The following SPIDR variants were observed in gnomAD, a reference collection of about 807,000 sequenced individuals.
The protein encoded by SPIDR is scaffold protein involved in DNA repair, also known as DNA repair-scaffolding protein.
Under a neutral mutation model 104.6 loss-of-function variants are expected in SPIDR, and 93 were observed. The ratio of observed to expected loss-of-function variants is 0.89; its 90% CI spans 0.75 to 1.06. The LOEUF (loss-of-function observed/expected upper bound fraction) is 1.06. Among genes scored for constraint, SPIDR ranks in the 50% least tolerant of loss-of-function variants. The probability of loss-of-function intolerance (pLI) is 0.00; values close to 1 mark genes in which losing one functional copy is unlikely to be tolerated. For missense variants in SPIDR, 1,154 were observed against 1,111.2 expected (o/e 1.04, Z -0.55); for synonymous variants, 431 against 416.9 (o/e 1.03, Z -0.41).
At chr8:47,309,956 G>A (rs1341998678) in intron 5 of SPIDR, among the ~76,000 whole-genome samples, 7 of 151,764 alleles carry the variant, frequency 4.6e-5, no homozygotes, top group Non-Finnish European at 7.4e-5. Flanking sequence ...GGAGAATGGC[G>A]TGAACCCGGG....
At chr8:47,705,596 G>C (rs1305722003) in intron 14 of SPIDR, among the ~76,000 whole-genome samples, 1 of 152,164 alleles carries the variant, frequency 6.6e-6, no homozygotes, top group Non-Finnish European at 1.5e-5. Context: ...GTCATTGCTG[G>C]AACTCCAGTC....
intron 1 of SPIDR, among the ~76,000 whole-genome samples, chr8:47,273,385 A>T (rs1377241024): frequency 2.6e-5 from 4 of 152,200 alleles, no homozygotes; most frequent in Non-Finnish European, 5.9e-5. Flanking sequence ...TGGATAGAGC[A>T]AGACATGGAC....
At chr8:47,560,627 C>G (rs2056946344) in intron 8 of SPIDR, among the ~76,000 whole-genome samples, 1 of 152,212 alleles carries the variant, frequency 6.6e-6, no homozygotes, top group Admixed American at 6.5e-5. Flanking sequence ...TTGTGCCTGT[C>G]TGGCTGATGA....
rs77967551 is a variant in SPIDR at position 47,435,940 on chromosome 8, G to C, written c.878-4383G>C. On this transcript the variant is annotated intron_variant, in intron 7 of 19. Transcript: ENST00000297423. ...TGCCAGTCATCCTCTCTGTTCTTGA[G>C]AAAGTCACATGAGCAGCTAGCTTTA... 4.7e-3 allele frequency among the ~76,000 whole-genome samples: 715 copies of C among 152,336 alleles called. 5 individuals carry two copies. The highest frequency in any genetic ancestry group is 0.016 in the African/African-American group (679 of 41,574).
At chr8:47,545,111 CTTTCTTTCTTTT>C (rs1265444196) in intron 8 of SPIDR, among the ~76,000 whole-genome samples, 29 of 45,352 alleles carry the variant, frequency 6.4e-4, no homozygotes, top group Middle Eastern at 9.1e-3. Flanking sequence ...TTCTTTCTTT[CTTTCTTTCTTTT>C]TTTTTTTTTT....
chr8:47,265,228 C>CTTACCCCA, intron 1 of SPIDR, among the ~76,000 whole-genome samples: 1 of 133,374 alleles, frequency 7.5e-6, no homozygotes, highest in South Asian at 2.4e-4. Context: ...CTTACTCTGT[C>CTTACCCCA]GCCCAGGCTG....
intron 8 of SPIDR, among the ~76,000 whole-genome samples, chr8:47,498,946 G>T (rs1316561595): frequency 6.6e-6 from 1 of 152,026 alleles, no homozygotes; most frequent in East Asian, 1.9e-4. Flanking sequence ...TACCTATTTT[G>T]CTCATTTAAG....
intron 19 of SPIDR, among the ~76,000 whole-genome samples, chr8:47,734,830 A>G (rs1012137778): frequency 2.0e-5 from 3 of 152,232 alleles, no homozygotes; most frequent in Admixed American, 6.5e-5. Flanking sequence ...TTACAAAAAC[A>G]CAGAGGATTT....
chr8:47,479,653 G>T (rs1171405587), intron 8 of SPIDR, among the ~76,000 whole-genome samples: 4 of 152,214 alleles, frequency 2.6e-5, no homozygotes, highest in Non-Finnish European at 5.9e-5. Flanking sequence ...ATGAGCAGGG[G>T]CTGGGGAGTG....
chr8:47,433,848 G>C (rs537484609), intron 7 of SPIDR, among the ~76,000 whole-genome samples: 1 of 152,330 alleles, frequency 6.6e-6, no homozygotes, highest in Admixed American at 6.5e-5. Context: ...GACAATGAAA[G>C]TGGAATTATG....
rs1554658655 is a variant in SPIDR, at chr8:47,396,533, C to A, written c.683C>A (p.Thr228Lys). 6.2e-7 allele frequency: 1 copy of A among 1,614,102 alleles called. No homozygotes were observed. The highest frequency in any genetic ancestry group is 1.7e-5 in the Admixed American group (1 of 60,020). Reference protein sequence around the residue: ...QIMERLIDPRTKSTETILHTP... With the variant: ...QIMERLIDPRKKSTETILHTP... ...ATGGAGAGACTGATAGATCCAAGGACAAAATCAACAGAGACCATTTTGCAT... is the reference window on the plus strand; with the variant it reads ...ATGGAGAGACTGATAGATCCAAGGAAAAAATCAACAGAGACCATTTTGCAT... Residue 228 changes from threonine (T) to lysine (K), a missense_variant, in exon 6 of 20, where the codon ACA (threonine) becomes AAA (lysine). Thr to Lys is a moderately conservative substitution (Grantham distance 78, BLOSUM62 -1). Transcript: ENST00000297423.
chr8:47,363,299 G>A (rs1299707018), intron 5 of SPIDR, among the ~76,000 whole-genome samples: 5 of 133,528 alleles, frequency 3.7e-5, no homozygotes, highest in East Asian at 4.5e-4. Context: ...TGTGCCTCCC[G>A]GGTTCACACC....
intron 5 of SPIDR, among the ~76,000 whole-genome samples, chr8:47,335,357 T>A (rs1448308139): frequency 1.3e-5 from 2 of 152,198 alleles, no homozygotes; most frequent in Non-Finnish European, 2.9e-5. Flanking sequence ...TTCCTTCAGT[T>A]TTGAAGTATG....
At chr8:47,294,885 T>C (rs2040561534) in intron 5 of SPIDR, among the ~76,000 whole-genome samples, 1 of 152,160 alleles carries the variant, frequency 6.6e-6, no homozygotes, top group African/African-American at 2.4e-5. Flanking sequence ...GGCTTTTACT[T>C]CTTAATTTTT....
intron 8 of SPIDR, among the ~76,000 whole-genome samples, chr8:47,555,764 G>A (rs984797843): frequency 6.6e-6 from 1 of 152,128 alleles, no homozygotes; most frequent in African/African-American, 2.4e-5. Context: ...CGAGGGGATG[G>A]GTATCAAGCC....
intron 5 of SPIDR, among the ~76,000 whole-genome samples, chr8:47,329,652 C>G (rs1554603247): frequency 6.6e-6 from 1 of 152,146 alleles, no homozygotes; most frequent in African/African-American, 2.4e-5. Flanking sequence ...TTCTCTTCCT[C>G]CTTTTTATGC....
chr8:47,336,267 G>A (rs1379824479), intron 5 of SPIDR, among the ~76,000 whole-genome samples: 1 of 152,118 alleles, frequency 6.6e-6, no homozygotes, highest in Admixed American at 6.5e-5. Flanking sequence ...TATGAATACT[G>A]TTGCTCTGAA....
chr8:47,396,769 G>C (rs1266585964), intron 6 of SPIDR, 143 bp downstream of exon 6: 2 of 883,510 alleles, frequency 2.3e-6, no homozygotes, highest in South Asian at 1.8e-5. Flanking sequence ...TCGAAGTTGA[G>C]GGTCATGGCT....
At chr8:47,263,286 G>A (rs2032996167) in intron 1 of SPIDR, among the ~76,000 whole-genome samples, 2 of 152,302 alleles carry the variant, frequency 1.3e-5, no homozygotes, top group South Asian at 4.1e-4. Flanking sequence ...TTATCTTATA[G>A]GTAAACTAGA....
Sources: allele counts gnomAD v4.1 joint callset (sites outside exome capture counted in the v4.1 genomes callset), GRCh38; gene constraint gnomAD v4.1.1; transcripts MANE v1.5; gene names NCBI Gene and HGNC (gene_info 2026-07-23, HGNC 2026-07-21).